Variants in TMEM106B observed in about 807,000 individuals in gnomAD.
TMEM106B encodes the protein transmembrane protein 106B.
In TMEM106B, 15 loss-of-function variants were observed where a neutral mutation model predicts 31.1. The observed-to-expected ratio is 0.48, with a 90% CI of 0.32 to 0.74. The LOEUF (loss-of-function observed/expected upper bound fraction) is 0.74, where lower values mean the gene tolerates loss of function less well. Among genes scored for constraint, TMEM106B ranks in the 30% least tolerant of loss-of-function variants. TMEM106B has a pLI of 0.03. For synonymous variants in TMEM106B, 126 were observed against 112.5 expected (o/e 1.12, Z -0.76); for missense variants, 283 against 327.3 (o/e 0.86, Z 1.04).
rs1029344810 is a variant in TMEM106B, at chr7:12,230,429, G to T, written c.623G>T (p.Ser208Ile). The T allele has an allele frequency of 1.9e-6, 3 of 1,587,040 alleles. No individual in the cohort carries two copies. The African/African-American group carries it at 4.1e-5, about 21-fold the overall frequency. Residue 208 changes from serine (S) to isoleucine (I), a missense_variant, in exon 6 of 8, where the codon AGT becomes ATT. This residue lies in a region of TMEM106B where 201 missense variants were observed against 211.5 expected (regional missense o/e 0.95). Coordinates refer to ENST00000396668, the MANE Select transcript of TMEM106B (RefSeq NM_001134232.2). ...CCTACCGTTATAGCAGAGGAAATGA[G>T]TTATATGTAGTAAGTTCTGATTTAT... ...TVPTVIAEEM[S>I]YMYDFCTLIS...
At position 12,242,873 on chromosome 7, in the gene TMEM106B, G is replaced by T. The variant is rs1343421915; in HGVS notation, c.*10898G>T. Reference sequence around the variant, plus strand: ...TTTCATAACTTTTAACTTTTCCATAGGACCTATCACTATGTAAAATATTAT... The same window carrying T: ...TTTCATAACTTTTAACTTTTCCATATGACCTATCACTATGTAAAATATTAT... On this transcript the variant is annotated 3_prime_UTR_variant, in exon 8 of 8. Coordinates refer to ENST00000396668, the MANE Select transcript of TMEM106B (RefSeq NM_001134232.2). The T allele has an allele frequency of 6.6e-6, 1 of 151,816 alleles. No homozygotes were observed. Among genetic ancestry groups the T allele is most frequent in the African/African-American group, 2.4e-5 (1 of 41,340 alleles). The allele number at this position is 151,816 out of a possible 1,614,324, so 9.4% of individuals were successfully genotyped here. A position where few individuals can be genotyped will look rare whatever the true frequency, so the allele number is the denominator to read the frequency against.
chr7:12,224,170 T>C, intron 3 of TMEM106B, 56 bp from the exon 4 acceptor site: 5 of 1,497,130 alleles, frequency 3.3e-6, no homozygotes, highest in Non-Finnish European at 4.6e-6. Context: ...TTCTCTAATG[T>C]TGTGTTATAT....
At chr7:12,222,381 C>G (rs1171002701) in intron 3 of TMEM106B, among the ~76,000 whole-genome samples, 1 of 152,088 alleles carries the variant, frequency 6.6e-6, no homozygotes, top group Non-Finnish European at 1.5e-5. Flanking sequence ...TATTGTCCCA[C>G]CAGGTTCAGT....
intron 3 of TMEM106B, among the ~76,000 whole-genome samples, chr7:12,222,645 T>A (rs1191494914): frequency 6.6e-6 from 1 of 152,206 alleles, no homozygotes; most frequent in Non-Finnish European, 1.5e-5. Context: ...TGTTTAAATT[T>A]CCTATTAGGT....
intron 6 of TMEM106B, chr7:12,230,767 G>C (rs112392949): frequency 6.2e-6 from 2 of 324,168 alleles, no homozygotes; most frequent in South Asian, 8.4e-5. Context: ...CGTAGATACA[G>C]ACTTTTAGGG....
intron 3 of TMEM106B, among the ~76,000 whole-genome samples, chr7:12,219,278 G>A (rs1208372526): frequency 6.6e-6 from 1 of 152,172 alleles, no homozygotes; most frequent in African/African-American, 2.4e-5. Flanking sequence ...TCTCAAAACT[G>A]TGGAGATAAA....
At chr7:12,228,136 GTGTT>G (rs1024953334) in intron 4 of TMEM106B, among the ~76,000 whole-genome samples, 198 of 151,802 alleles carry the variant, frequency 1.3e-3, no homozygotes, top group African/African-American at 4.4e-3. Context: ...TATTTTTACT[GTGTT>G]TGAGAACATT....
At chr7:12,213,043 T>G (rs1240912706) in intron 1 of TMEM106B, among the ~76,000 whole-genome samples, 3 of 152,188 alleles carry the variant, frequency 2.0e-5, no homozygotes, top group Non-Finnish European at 4.4e-5. Context: ...GTTAAGTTCT[T>G]TTCAGCTTTA....
chr7:12,215,679 A>C, intron 2 of TMEM106B: 1 of 342,386 alleles, frequency 2.9e-6, no homozygotes, highest in South Asian at 2.5e-5. Flanking sequence ...TGGCCTCCCA[A>C]AGTGTTAGAA....
chr7:12,217,603 G>A (rs1023821379), intron 2 of TMEM106B, among the ~76,000 whole-genome samples: 1 of 152,160 alleles, frequency 6.6e-6, no homozygotes, highest in Admixed American at 6.6e-5. Flanking sequence ...GTTTTAGCCA[G>A]ATGAATACCA....
At chr7:12,228,490 C>A (rs1781950201) in intron 4 of TMEM106B, among the ~76,000 whole-genome samples, 1 of 151,620 alleles carries the variant, frequency 6.6e-6, no homozygotes, top group African/African-American at 2.4e-5. Flanking sequence ...TCATAATATT[C>A]CATATAAGGA....
intron 3 of TMEM106B, among the ~76,000 whole-genome samples, chr7:12,221,315 TCA>T (rs1295977561): frequency 1.3e-5 from 2 of 152,138 alleles, no homozygotes; most frequent in Admixed American, 6.5e-5. Context: ...GCAAAGAGAA[TCA>T]CAACAAATTT....
intron 4 of TMEM106B, 76 bp from the exon 5 acceptor site, chr7:12,229,603 G>A: frequency 8.5e-7 from 1 of 1,174,866 alleles, no homozygotes; most frequent in Non-Finnish European, 1.2e-6. Context: ...AGCTACAGCT[G>A]AAGTTACTTT....
Position 12,237,677 on chromosome 7 carries a change from TAATAAAAAA to T in TMEM106B, c.*5703_*5711del, listed in dbSNP as rs1782164458. The T allele has an allele frequency of 6.6e-6, 1 of 151,956 alleles. No homozygotes were observed. The highest frequency in any genetic ancestry group is 1.5e-5 in the Non-Finnish European group (1 of 67,976). The allele number at this position is 151,956 out of a possible 1,614,324, so 9.4% of individuals were successfully genotyped here. On this transcript the variant is annotated 3_prime_UTR_variant, in exon 8 of 8. Coordinates refer to ENST00000396668, the MANE Select transcript of TMEM106B (RefSeq NM_001134232.2). The stretch of plus-strand genomic sequence containing the variant: ...GTCGAAAAACACAATATATATGCCT[TAATAAAAAA>T]TAGGCTGTGTGCAGTGGCTCACACC...
At position 12,233,709 on chromosome 7, in the gene TMEM106B, T is replaced by G. The variant is rs1782074309; in HGVS notation, c.*1734T>G. Reference sequence around the variant, plus strand: ...AAAAAAATCATTTTCATTTTTCTTCTGCTACGTTTCCTGACTACTACTGCA... The same window carrying G: ...AAAAAAATCATTTTCATTTTTCTTCGGCTACGTTTCCTGACTACTACTGCA... On this transcript the variant is annotated 3_prime_UTR_variant, in exon 8 of 8. Transcript: ENST00000396668. The G allele has an allele frequency of 6.6e-6, 1 of 151,616 alleles. No homozygotes were observed. 9.4% of individuals were successfully genotyped at this position (151,616 alleles called of 1,614,324 possible). A position where few individuals can be genotyped will look rare whatever the true frequency, so the allele number is the denominator to read the frequency against.
At position 12,218,451 on chromosome 7, in the gene TMEM106B, C is replaced by T. The variant is rs373068126; in HGVS notation, c.218-7C>T. 351 of 1,610,766 alleles carry T rather than the reference C, an allele frequency of 2.2e-4. No individual in the cohort carries two copies. Among genetic ancestry groups the T allele is most frequent in the Non-Finnish European group, 2.9e-4 (344 of 1,178,174 alleles). On this transcript the variant is annotated splice_polypyrimidine_tract_variant and splice_region_variant and intron_variant, in intron 2 of 7. Transcript: ENST00000396668. Reference sequence around the variant, plus strand: ...GTAATTTCTGAACTTACTTCTTTCACATTTAGGGCAAGAAAACCAACTGGT... The same window carrying T: ...GTAATTTCTGAACTTACTTCTTTCATATTTAGGGCAAGAAAACCAACTGGT...
Position 12,232,054 on chromosome 7 carries a change from G to T in TMEM106B, c.*79G>T. 7.1e-7 allele frequency: 1 copy of T among 1,403,206 alleles called. No individual in the cohort carries two copies. Among genetic ancestry groups the T allele is most frequent in the South Asian group, 1.5e-5 (1 of 68,006 alleles). The allele number at this position is 1,403,206 out of a possible 1,614,324, so 86.9% of individuals were successfully genotyped here. A position where few individuals can be genotyped will look rare whatever the true frequency, so the allele number is the denominator to read the frequency against. On this transcript the variant is annotated 3_prime_UTR_variant, in exon 8 of 8. Transcript: ENST00000396668. ...CTCAATGAAGAGGTATTTCCTAATA[G>T]GAGACCTTAAATTGAACAAACCTAA...
At chr7:12,211,761 T>C (rs948131774) in intron 1 of TMEM106B, among the ~76,000 whole-genome samples, 5 of 152,264 alleles carry the variant, frequency 3.3e-5, no homozygotes, top group Admixed American at 1.3e-4. Flanking sequence ...GTAGGCTTTG[T>C]GCTAGGTGTT....
In TMEM106B at chr7:12,231,926, A is replaced by T; in HGVS notation, c.776A>T (p.Tyr259Phe). The T allele has an allele frequency of 1.2e-6, 2 of 1,612,536 alleles. No homozygotes were observed. Among genetic ancestry groups the T allele is most frequent in the Non-Finnish European group, 1.7e-6 (2 of 1,178,950 alleles). The change falls in exon 8 of 8, where the codon TAT (tyrosine) becomes TTT (phenylalanine). Residue 259 changes from tyrosine (Y) to phenylalanine (F), a missense_variant. Around this residue, in one of 3 missense-constraint regions of TMEM106B, gnomAD observed 201 missense variants for 211.5 expected, o/e 0.95. Coordinates refer to ENST00000396668, the MANE Select transcript of TMEM106B (RefSeq NM_001134232.2). ...GTCGACTGTGGAAGAAACACAACTT[A>T]TCAGTTGGGGCAGTCTGAATATTTA... Reference protein sequence around the residue: ...QYVDCGRNTTYQLGQSEYLNV... With the variant: ...QYVDCGRNTTFQLGQSEYLNV...
Sources: allele counts gnomAD v4.1 joint callset (sites outside exome capture counted in the v4.1 genomes callset), GRCh38; gene constraint gnomAD v4.1.1; regional missense constraint gnomAD v4.1.1; transcripts MANE v1.5; gene names NCBI Gene and HGNC (gene_info 2026-07-23, HGNC 2026-07-21).